The following BRWD1 variants were observed in gnomAD, a reference collection of about 807,000 sequenced individuals.
BRWD1 encodes bromodomain and WD repeat domain containing 1, also known as bromodomain and WD repeat-containing protein 1.
In BRWD1, 82 loss-of-function variants were observed where a neutral mutation model predicts 251.2. That is an observed-to-expected ratio of 0.33 (90% CI 0.27 to 0.39). The LOEUF (loss-of-function observed/expected upper bound fraction) is 0.39. Among genes scored for constraint, BRWD1 ranks in the 10% least tolerant of loss-of-function variants. BRWD1 has a pLI of 1.00. For missense variants in BRWD1, 2,233 were observed against 2,711.6 expected (o/e 0.82, Z 3.92); for synonymous variants, 918 against 902.8 (o/e 1.02, Z -0.30).
intron 23 of BRWD1, 61 bp downstream of exon 23, chr21:39,236,534 G>A: frequency 6.6e-6 from 9 of 1,358,480 alleles, no homozygotes; most frequent in Non-Finnish European, 8.0e-6. Flanking sequence ...AACAACATTT[G>A]AAATGGGGTA....
intron 23 of BRWD1, among the ~76,000 whole-genome samples, 164 bp from the exon 24 acceptor site, chr21:39,232,662 G>C (rs1334258977): frequency 1.3e-5 from 2 of 152,064 alleles, no homozygotes; most frequent in Admixed American, 6.6e-5. Context: ...CTTTACACAG[G>C]AATATATCAC....
chr21:39,193,736 CTAAACAT>C lies in BRWD1; in HGVS notation c.*2516_*2522del, dbSNP rs2031671248. 1.0e-6 allele frequency: 1 copy of C among 985,312 alleles called. No homozygotes were observed. Among genetic ancestry groups the C allele is most frequent in the African/African-American group, 1.7e-5 (1 of 57,176 alleles). 61.0% of individuals were successfully genotyped at this position (985,312 alleles called of 1,614,324 possible). On this transcript the variant is annotated 3_prime_UTR_variant, in exon 41 of 41. Coordinates refer to ENST00000342449, the MANE Select transcript of BRWD1 (RefSeq NM_033656.4). ...TTCTCAAGAATACTACAAACTGACC[CTAAACAT>C]TAAAGTACACCTGTGCATTAAATCC...
chr21:39,303,231 T>C (rs1242958449), intron 4 of BRWD1, among the ~76,000 whole-genome samples: 3 of 150,494 alleles, frequency 2.0e-5, no homozygotes, highest in African/African-American at 7.3e-5. Flanking sequence ...TAAAAAGAAA[T>C]AAAGAGGCCG....
intron 18 of BRWD1, among the ~76,000 whole-genome samples, chr21:39,257,924 A>T (rs977867643): frequency 3.9e-5 from 6 of 152,232 alleles, no homozygotes; most frequent in Non-Finnish European, 8.8e-5. Context: ...ATAAAAAAAC[A>T]AAGTCTTATG....
intron 15 of BRWD1, among the ~76,000 whole-genome samples, chr21:39,266,052 G>A (rs1344848127): frequency 6.6e-6 from 1 of 152,094 alleles, no homozygotes; most frequent in Non-Finnish European, 1.5e-5. Flanking sequence ...TAACTTTCCA[G>A]TAACTAAATG....
At position 39,195,536 on chromosome 21, in the gene BRWD1, C is replaced by T; in HGVS notation, c.*723G>A. 2.0e-6 allele frequency: 2 copies of T among 984,474 alleles called. No individual in the cohort carries two copies. Among genetic ancestry groups the T allele is most frequent in the Non-Finnish European group, 2.4e-6 (2 of 828,774 alleles). The allele number at this position is 984,474 out of a possible 1,614,324, so 61.0% of individuals were successfully genotyped here. On this transcript the variant is annotated 3_prime_UTR_variant, in exon 41 of 41. Coordinates refer to ENST00000342449, the MANE Select transcript of BRWD1 (RefSeq NM_033656.4). ...TTTAAAAGAAAATGCTCTGACTATG[C>T]TCTGGTCCTAGAGGTTTAAAACATG...
At chr21:39,266,881 T>C (rs901181112) in intron 15 of BRWD1, among the ~76,000 whole-genome samples, 2 of 152,204 alleles carry the variant, frequency 1.3e-5, no homozygotes, top group African/African-American at 4.8e-5. Context: ...GGAAATAAGA[T>C]CATTGTTGCC....
chr21:39,312,110 T>C (rs1404758447), intron 4 of BRWD1, among the ~76,000 whole-genome samples: 2 of 152,192 alleles, frequency 1.3e-5, no homozygotes, highest in South Asian at 2.1e-4. Context: ...GCTGTAACTA[T>C]AGATAAAAGC....
chr21:39,298,940 T>C (rs2036031421), intron 4 of BRWD1, among the ~76,000 whole-genome samples: 1 of 152,168 alleles, frequency 6.6e-6, no homozygotes. Flanking sequence ...TTGCACTAAC[T>C]GGGCCAGGGA....
At chr21:39,248,629 G>T (rs1238817254) in intron 20 of BRWD1, among the ~76,000 whole-genome samples, 1 of 108,512 alleles carries the variant, frequency 9.2e-6, no homozygotes, top group African/African-American at 3.8e-5. Flanking sequence ...GCAAGAGTGA[G>T]ACCCTATCTC....
chr21:39,229,266 G>A (rs1190141330), intron 26 of BRWD1, 46 bp downstream of exon 26: 1 of 1,498,948 alleles, frequency 6.7e-7, no homozygotes, highest in Non-Finnish European at 9.2e-7. Context: ...TCAGCAAAAT[G>A]GCAAATTTAA....
At chr21:39,220,174 T>G (rs1429326864) in intron 29 of BRWD1, among the ~76,000 whole-genome samples, 1 of 152,170 alleles carries the variant, frequency 6.6e-6, no homozygotes, top group African/African-American at 2.4e-5. Context: ...GGTCTCACTA[T>G]GTTGCCTGGG....
At position 39,191,493 on chromosome 21, in the gene BRWD1, T is replaced by C. The variant is rs939581847; in HGVS notation, c.*4766A>G. The stretch of plus-strand genomic sequence containing the variant: ...AACTGACAAAAATCATCTAAATGAA[T>C]AGATTAATTTAGAACATTAACGATC... On this transcript the variant is annotated 3_prime_UTR_variant, in exon 41 of 41. Transcript: ENST00000342449. 27 of 976,550 alleles carry C rather than the reference T, an allele frequency of 2.8e-5. No homozygotes were observed. The highest frequency in any genetic ancestry group is 9.5e-5 in the South Asian group (2 of 21,120). 60.5% of individuals were successfully genotyped at this position (976,550 alleles called of 1,614,324 possible).
chr21:39,246,768 C>G (rs991912150), intron 21 of BRWD1, among the ~76,000 whole-genome samples: 3 of 152,152 alleles, frequency 2.0e-5, no homozygotes, highest in African/African-American at 7.2e-5. Flanking sequence ...GTCAAAGAAG[C>G]CAGTCACAAA....
intron 5 of BRWD1, 184 bp downstream of exon 5, chr21:39,298,248 G>A (rs2036010744): frequency 1.6e-6 from 2 of 1,249,366 alleles, no homozygotes. Context: ...TAATGCAGAA[G>A]GACCCATTAA....
At chr21:39,268,522 C>T (rs2034999155) in intron 15 of BRWD1, among the ~76,000 whole-genome samples, 1 of 150,040 alleles carries the variant, frequency 6.7e-6, no homozygotes, top group African/African-American at 2.5e-5. Flanking sequence ...TCATGAAGGA[C>T]ACAATATCAC....
At chr21:39,303,089 G>A (rs1478601127) in intron 4 of BRWD1, among the ~76,000 whole-genome samples, 1 of 152,036 alleles carries the variant, frequency 6.6e-6, no homozygotes, top group Non-Finnish European at 1.5e-5. Context: ...GCGACAGGAT[G>A]GTGACAACTA....
chr21:39,290,291 A>C (rs140126455), intron 8 of BRWD1, among the ~76,000 whole-genome samples: 161 of 151,592 alleles, frequency 1.1e-3, no homozygotes, highest in African/African-American at 3.5e-3. Flanking sequence ...AGATCGAGAC[A>C]ATCCTGGCTA....
intron 17 of BRWD1, among the ~76,000 whole-genome samples, chr21:39,260,055 AAAG>A (rs749348262): frequency 3.9e-5 from 6 of 152,292 alleles, no homozygotes; most frequent in East Asian, 3.9e-4. Flanking sequence ...TATGGAAACC[AAAG>A]AAGAACTTAA....
Sources: gnomAD v4.1 joint callset for allele counts (sites outside exome capture counted in the v4.1 genomes callset) on GRCh38, gnomAD v4.1.1 for gene constraint, MANE v1.5 for transcripts, NCBI Gene and HGNC (gene_info 2026-07-23, HGNC 2026-07-21) for gene names.